SGCG: variants seen among roughly 807,000 people sequenced by gnomAD.
SGCG encodes the protein gamma-sarcoglycan.
SGCG carries 26 observed loss-of-function variants against 29.3 expected under a neutral mutation model. The observed-to-expected ratio is 0.89, with a 90% CI of 0.65 to 1.23. The LOEUF (loss-of-function observed/expected upper bound fraction) is 1.23, where lower values mean the gene tolerates loss of function less well. Among genes scored for constraint, SGCG ranks in the 50% most tolerant of loss-of-function variants. The pLI is 0.00. For synonymous variants in SGCG, 145 were observed against 129.7 expected (o/e 1.12, Z -0.80); for missense variants, 353 against 356.0 (o/e 0.99, Z 0.07).
At chr13:23,199,056 C>T (rs575659085) in intron 1 of SGCG, among the ~76,000 whole-genome samples, 2 of 150,624 alleles carry the variant, frequency 1.3e-5, no homozygotes, top group East Asian at 3.9e-4. Flanking sequence ...TGCAGTGAGC[C>T]GAGATCGTGC....
rs561059406 is a variant in SGCG, at chr13:23,311,085, T to G, written c.579-9552T>G. On this transcript the variant is annotated intron_variant, in intron 6 of 7. Coordinates refer to ENST00000218867, the MANE Select transcript of SGCG (RefSeq NM_000231.3). ...ATAGATTGTACATTTGTTCCCTGTG[T>G]CTGAAATGTCCAGTTTCCTTTATAG... is the stretch of plus-strand genomic sequence containing the variant. Among the ~76,000 whole-genome samples, 3 of 152,342 alleles carry G rather than the reference T, an allele frequency of 2.0e-5. No homozygotes were observed. The South Asian group carries it at 6.2e-4, about 32-fold the overall frequency.
chr13:23,226,000 A>G (rs542131174), intron 2 of SGCG, among the ~76,000 whole-genome samples: 1 of 152,074 alleles, frequency 6.6e-6, no homozygotes, highest in South Asian at 2.1e-4. Context: ...TATTCAGTCA[A>G]TCCCATTCAT....
intron 1 of SGCG, among the ~76,000 whole-genome samples, chr13:23,184,635 A>G (rs917516079): frequency 6.6e-6 from 1 of 152,190 alleles, no homozygotes; most frequent in African/African-American, 2.4e-5. Flanking sequence ...GCTAGTACAT[A>G]ATGAACTGGT....
intron 6 of SGCG, among the ~76,000 whole-genome samples, chr13:23,295,843 G>A (rs1881885803): frequency 6.6e-6 from 1 of 152,104 alleles, no homozygotes; most frequent in African/African-American, 2.4e-5. Context: ...TGCTCCACTG[G>A]GCACCCACAG....
intron 7 of SGCG, 38 bp downstream of exon 7, chr13:23,320,798 C>G: frequency 6.3e-7 from 1 of 1,594,608 alleles, no homozygotes; most frequent in East Asian, 2.2e-5. Flanking sequence ...ACTGTATGTC[C>G]TGATGATATT....
intron 3 of SGCG, 96 bp downstream of exon 3, chr13:23,234,808 C>T (rs188316114): frequency 2.0e-5 from 17 of 841,866 alleles, no homozygotes; most frequent in East Asian, 7.3e-5. Context: ...ATTTTTAAAG[C>T]GCATACATGT....
At chr13:23,182,958 A>C (rs538096538) in intron 1 of SGCG, among the ~76,000 whole-genome samples, 1 of 152,314 alleles carries the variant, frequency 6.6e-6, no homozygotes, top group African/African-American at 2.4e-5. Context: ...GAGTACCTTA[A>C]AACCTAGCTT....
intron 6 of SGCG, among the ~76,000 whole-genome samples, chr13:23,319,649 CT>C (rs1412149673): frequency 3.3e-5 from 5 of 152,168 alleles, no homozygotes; most frequent in Non-Finnish European, 7.4e-5. Flanking sequence ...TTTCTCTCTG[CT>C]CCCTGCCCCT....
At chr13:23,216,650 G>A (rs1043231041) in intron 2 of SGCG, among the ~76,000 whole-genome samples, 2 of 151,992 alleles carry the variant, frequency 1.3e-5, no homozygotes, top group African/African-American at 4.8e-5. Context: ...TTTTCTTAAA[G>A]TTGTTGCTTT....
intron 6 of SGCG, among the ~76,000 whole-genome samples, chr13:23,307,433 TA>T (rs1008296124): frequency 4.6e-5 from 7 of 152,314 alleles, no homozygotes; most frequent in Admixed American, 2.6e-4. Flanking sequence ...TTTCGTGAGT[TA>T]AAAAAAGTTA....
chr13:23,302,892 C>G (rs1405455645), intron 6 of SGCG, among the ~76,000 whole-genome samples: 1 of 152,092 alleles, frequency 6.6e-6, no homozygotes, highest in Non-Finnish European at 1.5e-5. Context: ...AGGTATGAAT[C>G]AAAAAGTTTT....
At chr13:23,194,788 C>T (rs991611348) in intron 1 of SGCG, among the ~76,000 whole-genome samples, 7 of 152,142 alleles carry the variant, frequency 4.6e-5, no homozygotes, top group African/African-American at 1.7e-4. Flanking sequence ...GGACCACAAC[C>T]GTGGGGAGCT....
At chr13:23,299,422 A>G (rs1203788957) in intron 6 of SGCG, among the ~76,000 whole-genome samples, 73 of 2,700 alleles carry the variant, frequency 0.027, 6 homozygotes, top group African/African-American at 0.053. Flanking sequence ...ATATATATAT[A>G]TATATATATA....
At chr13:23,287,545 A>G (rs924337869) in intron 5 of SGCG, among the ~76,000 whole-genome samples, 2 of 152,170 alleles carry the variant, frequency 1.3e-5, no homozygotes, top group African/African-American at 4.8e-5. Flanking sequence ...ACCTGAAACC[A>G]ACAGAGCTGT....
intron 3 of SGCG, chr13:23,246,891 G>A (rs17314713): frequency 0.1 from 15,880 of 156,674 alleles, 1,001 homozygotes; most frequent in Middle Eastern, 0.14. Context: ...CCCAGTCATC[G>A]AGCCCCTGTT....
chr13:23,283,054 G>C (rs1881366440), intron 5 of SGCG, among the ~76,000 whole-genome samples: 1 of 152,190 alleles, frequency 6.6e-6, no homozygotes, highest in African/African-American at 2.4e-5. Context: ...GTCAATTTTG[G>C]AATTAGTGTG....
chr13:23,200,448 A>C (rs1454198656), intron 1 of SGCG, among the ~76,000 whole-genome samples: 1 of 152,148 alleles, frequency 6.6e-6, no homozygotes, highest in East Asian at 1.9e-4. Flanking sequence ...AAACAAAAAA[A>C]CTGGGAATTT....
intron 3 of SGCG, among the ~76,000 whole-genome samples, chr13:23,249,386 C>T (rs1488126326): frequency 6.6e-6 from 1 of 152,132 alleles, no homozygotes; most frequent in Non-Finnish European, 1.5e-5. Flanking sequence ...TTTCGCTTCA[C>T]TTAAATTTTA....
At chr13:23,216,757 T>C (rs1424483038) in intron 2 of SGCG, among the ~76,000 whole-genome samples, 1 of 152,176 alleles carries the variant, frequency 6.6e-6, no homozygotes, top group African/African-American at 2.4e-5. Flanking sequence ...ATCAGTACAG[T>C]TGATGATACA....
Sources: allele counts gnomAD v4.1 joint callset (sites outside exome capture counted in the v4.1 genomes callset), GRCh38; gene constraint gnomAD v4.1.1; transcripts MANE v1.5; gene names NCBI Gene and HGNC (gene_info 2026-07-23, HGNC 2026-07-21).